QSOX1: variants seen among roughly 807,000 people sequenced by gnomAD.
The protein encoded by QSOX1 is quiescin sulfhydryl oxidase 1.
In QSOX1, 40 loss-of-function variants were observed where a neutral mutation model predicts 76.1. The observed-to-expected ratio is 0.53, with a 90% confidence interval of 0.41 to 0.68. QSOX1 has a LOEUF of 0.68. QSOX1 is among the 30% of genes least tolerant of loss of function. The probability of loss-of-function intolerance (pLI) is 0.00; values close to 1 mark genes in which losing one functional copy is unlikely to be tolerated. For missense variants in QSOX1, 931 were observed against 974.3 expected (o/e 0.96, Z 0.59); for synonymous variants, 392 against 413.1 (o/e 0.95, Z 0.62).
chr1:180,157,271 G>A (rs961664164), intron 1 of QSOX1, among the ~76,000 whole-genome samples: 4 of 152,218 alleles, frequency 2.6e-5, no homozygotes, highest in Admixed American at 6.5e-5. Flanking sequence ...GAGCCAGATC[G>A]TGTTGGGAGG....
intron 1 of QSOX1, among the ~76,000 whole-genome samples, chr1:180,155,640 C>T (rs1322901697): frequency 6.6e-6 from 1 of 152,240 alleles, no homozygotes; most frequent in Non-Finnish European, 1.5e-5. Flanking sequence ...GAACGGACAT[C>T]CATTTTGCCT....
At chr1:180,164,237 T>G (rs562717853) in intron 1 of QSOX1, among the ~76,000 whole-genome samples, 11 of 152,304 alleles carry the variant, frequency 7.2e-5, no homozygotes, top group Non-Finnish European at 1.5e-4. Context: ...GATACTTGGA[T>G]AGGCTCAAGT....
intron 1 of QSOX1, among the ~76,000 whole-genome samples, chr1:180,158,389 G>A (rs1456279022): frequency 6.6e-6 from 1 of 152,248 alleles, no homozygotes; most frequent in Non-Finnish European, 1.5e-5. Context: ...AGAGCCTGGT[G>A]CAGAGTAGGA....
intron 2 of QSOX1, among the ~76,000 whole-genome samples, chr1:180,173,385 T>A (rs1210251673): frequency 2.6e-5 from 4 of 152,216 alleles, no homozygotes; most frequent in Non-Finnish European, 5.9e-5. Flanking sequence ...ATCAAGGAAA[T>A]TTATGATCAT....
Position 180,196,081 on chromosome 1 carries a change from G to A in QSOX1, c.1469-181G>A, listed in dbSNP as rs1444346160. Among the ~76,000 whole-genome samples, 1 of 152,188 alleles carries A rather than the reference G, an allele frequency of 6.6e-6. No individual in the cohort carries two copies. The highest frequency in any genetic ancestry group is 2.4e-5 in the African/African-American group (1 of 41,444). ...TGCCTCCTCCTCCATGCTGCCATCT[G>A]TTGAGCTCCCACTGTGGGCTAGTGT... On this transcript the variant is annotated intron_variant, in intron 11 of 11. Coordinates refer to ENST00000367602, the MANE Select transcript of QSOX1 (RefSeq NM_002826.5). The surrounding 1 kb of genome is among the most constrained non-coding windows in gnomAD (Gnocchi z 4.1).
At chr1:180,179,667 C>T (rs1445825328) in intron 5 of QSOX1, among the ~76,000 whole-genome samples, 1 of 152,256 alleles carries the variant, frequency 6.6e-6, no homozygotes, top group East Asian at 1.9e-4. Flanking sequence ...CGTGCCAGTG[C>T]ACGGGAGATA....
At chr1:180,173,993 G>A (rs184014618) in intron 2 of QSOX1, among the ~76,000 whole-genome samples, 6 of 152,366 alleles carry the variant, frequency 3.9e-5, no homozygotes, top group Non-Finnish European at 5.9e-5. Context: ...GTCTGCCAGA[G>A]CCCGGGGCCT....
At chr1:180,173,990 A>G (rs1662819937) in intron 2 of QSOX1, among the ~76,000 whole-genome samples, 1 of 152,200 alleles carries the variant, frequency 6.6e-6, no homozygotes, top group East Asian at 1.9e-4. Flanking sequence ...GAGGTCTGCC[A>G]GAGCCCGGGG....
intron 2 of QSOX1, among the ~76,000 whole-genome samples, chr1:180,169,323 C>T (rs1416328521): frequency 2.6e-5 from 4 of 152,010 alleles, no homozygotes; most frequent in Non-Finnish European, 4.4e-5. Context: ...TTTTTATGGC[C>T]GAAGGCCTGG....
intron 1 of QSOX1, among the ~76,000 whole-genome samples, chr1:180,155,683 T>G (rs1381458604): frequency 6.6e-6 from 1 of 152,236 alleles, no homozygotes; most frequent in Non-Finnish European, 1.5e-5. Flanking sequence ...CTCGACTGGT[T>G]GACCAGGTGG....
rs748161387 is a variant in QSOX1, at chr1:180,178,836, G to C, written c.558G>C (p.Glu186Asp). ...IDGFFARNNE[E>D]YLALIFEKGG... ...GATTCTTTGCGAGAAATAACGAAGA[G>C]TACCTGGCTCTGATCTTTGAAAAGG... Residue 186 changes from glutamate to aspartate, a missense_variant, in exon 5 of 12, where the codon GAG (glutamate) becomes GAC (aspartate). Coordinates refer to ENST00000367602, the MANE Select transcript of QSOX1 (RefSeq NM_002826.5). 6.2e-7 allele frequency: 1 copy of C among 1,614,066 alleles called. No individual in the cohort carries two copies. The highest frequency in any genetic ancestry group is 8.5e-7 in the Non-Finnish European group (1 of 1,179,886).
In QSOX1 at chr1:180,196,272, C is replaced by T. The variant is rs367572059; in HGVS notation, c.1479C>T (p.Ser493=). ...TGCTTCCCTCTGTAGGTGCCCCCAG[C>T]GAGGACCCCCAGTTCCCCAAGGTGC... is the stretch of plus-strand genomic sequence containing the variant. The part of the protein sequence containing the change: ...RVNARLAGAP[S]EDPQFPKVQW... The change falls in exon 12 of 12, where the codon AGC becomes AGT. Residue 493 remains serine (S), a synonymous_variant. Coordinates refer to ENST00000367602, the MANE Select transcript of QSOX1 (RefSeq NM_002826.5). The surrounding 1 kb of genome is among the most constrained non-coding windows in gnomAD (Gnocchi z 4.1). The T allele has an allele frequency of 2.0e-5, 33 of 1,610,366 alleles. No homozygotes were observed. Among genetic ancestry groups the T allele is most frequent in the African/African-American group, 1.1e-4 (8 of 74,828 alleles).
intron 1 of QSOX1, among the ~76,000 whole-genome samples, chr1:180,163,686 A>C (rs1662544720): frequency 6.6e-6 from 1 of 152,252 alleles, no homozygotes; most frequent in African/African-American, 2.4e-5. Flanking sequence ...TTTAACGTAA[A>C]ATAACCGTAA....
In QSOX1 at chr1:180,197,949, C is replaced by CG; in HGVS notation, c.*917dup. ...GTGTGCAGAAGTTAGAAGGGTCTGGCGGGGGCAGTGCCTTACACATGCTTG... is the reference window on the plus strand; with the variant it reads ...GTGTGCAGAAGTTAGAAGGGTCTGGCGGGGGGCAGTGCCTTACACATGCTTG... On this transcript the variant is annotated 3_prime_UTR_variant, in exon 12 of 12. Coordinates refer to ENST00000367602, the MANE Select transcript of QSOX1 (RefSeq NM_002826.5). The CG allele has an allele frequency of 2.9e-6, 1 of 349,284 alleles. No individual in the cohort carries two copies. The highest frequency in any genetic ancestry group is 5.7e-6 in the Non-Finnish European group (1 of 174,858). 21.6% of individuals were successfully genotyped at this position (349,284 alleles called of 1,614,324 possible). A position where few individuals can be genotyped will look rare whatever the true frequency, so the allele number is the denominator to read the frequency against.
chr1:180,184,338 A>G (rs371496261), intron 7 of QSOX1, among the ~76,000 whole-genome samples: 3 of 152,272 alleles, frequency 2.0e-5, no homozygotes, highest in African/African-American at 7.2e-5. Context: ...CTGCTCACAA[A>G]TGGGGAATCT....
chr1:180,162,048 A>G (rs1436145412), intron 1 of QSOX1, among the ~76,000 whole-genome samples: 1 of 152,238 alleles, frequency 6.6e-6, no homozygotes, highest in African/African-American at 2.4e-5. Flanking sequence ...TAAAGATCTG[A>G]TGAGAGTTCA....
intron 4 of QSOX1, among the ~76,000 whole-genome samples, chr1:180,177,002 A>C (rs1269712630): frequency 6.6e-6 from 1 of 152,108 alleles, no homozygotes; most frequent in Admixed American, 6.5e-5. Context: ...CATCCTCCAG[A>C]GGGCCTCCAG....
At chr1:180,158,085 T>C (rs1662411835) in intron 1 of QSOX1, among the ~76,000 whole-genome samples, 1 of 152,262 alleles carries the variant, frequency 6.6e-6, no homozygotes, top group Admixed American at 6.5e-5. Flanking sequence ...AAAATATCTG[T>C]ACTATGGATA....
chr1:180,190,856 G>A (rs935786258), intron 10 of QSOX1, among the ~76,000 whole-genome samples: 1 of 152,174 alleles, frequency 6.6e-6, no homozygotes, highest in Non-Finnish European at 1.5e-5. Flanking sequence ...GCTTCTCCCT[G>A]TCTTTCTCCG....
Sources: gnomAD v4.1 joint callset for allele counts (sites outside exome capture counted in the v4.1 genomes callset) on GRCh38, gnomAD v4.1.1 for gene constraint, Gnocchi (gnomAD v3.1) non-coding constraint, MANE v1.5 for transcripts, NCBI Gene and HGNC (gene_info 2026-07-23, HGNC 2026-07-21) for gene names.